The following AGBL2 variants were observed in gnomAD, a reference collection of about 807,000 sequenced individuals.
AGBL2 encodes cytosolic carboxypeptidase 2.
Under a neutral mutation model 103.0 loss-of-function variants are expected in AGBL2, and 87 were observed. The observed-to-expected ratio is 0.84, with a 90% CI of 0.71 to 1.01. The LOEUF is 1.01. Ranked by LOEUF, AGBL2 falls within the 50% of genes least tolerant of loss-of-function variation. The pLI is 0.00. For missense variants in AGBL2, 904 were observed against 1,023.5 expected (o/e 0.88, Z 1.59); for synonymous variants, 335 against 356.7 (o/e 0.94, Z 0.69).
At chr11:47,663,557 CTT>C (rs556139830) in intron 17 of AGBL2, among the ~76,000 whole-genome samples, 16 of 139,296 alleles carry the variant, frequency 1.1e-4, no homozygotes, top group Admixed American at 2.2e-4. Context: ...TTATAGTATT[CTT>C]TTTTTTTTTT....
At chr11:47,700,831 G>A (rs1344018092) in intron 7 of AGBL2, among the ~76,000 whole-genome samples, 2 of 151,928 alleles carry the variant, frequency 1.3e-5, no homozygotes, top group African/African-American at 2.4e-5. Flanking sequence ...GGAGGCCAAG[G>A]AGAGTGAATC....
intron 14 of AGBL2, among the ~76,000 whole-genome samples, chr11:47,671,492 C>T (rs2097357328): frequency 6.6e-6 from 1 of 152,144 alleles, no homozygotes; most frequent in Non-Finnish European, 1.5e-5. Context: ...CGCACCACTA[C>T]ACTCCAGCTT....
At chr11:47,710,909 C>CAA (rs60310587) in intron 3 of AGBL2, 77 of 332,668 alleles carry the variant, frequency 2.3e-4, no homozygotes, top group African/African-American at 1.5e-3. Context: ...GATCCTGTCT[C>CAA]AAAAAAAAAA....
At position 47,704,553 on chromosome 11, in the gene AGBL2, G is replaced by GATGT; in HGVS notation, c.572_575dup (p.His194ProfsTer4). ...AGTAAGTCATATTACCAATATGATG[G>GATGT]ATGTTTTCCTTGATGACCTCACATT... On this transcript the variant is annotated frameshift_variant, in exon 7 of 19. Transcript: ENST00000525123. LOFTEE classifies it high-confidence loss of function. 7.4e-6 allele frequency: 12 copies of GATGT among 1,612,908 alleles called. No individual in the cohort carries two copies. The highest frequency in any genetic ancestry group is 1.0e-5 in the Non-Finnish European group (12 of 1,179,424).
chr11:47,696,019 AAAAAAAAAAAAAAAAAAG>A (rs1280490884), intron 8 of AGBL2, among the ~76,000 whole-genome samples: 3 of 30,298 alleles, frequency 9.9e-5, no homozygotes, highest in African/African-American at 1.3e-4. Context: ...ACAAAAAAAA[AAAAAAAAAAAAAAAAAAG>A]AAAAAAAAAA....
At chr11:47,689,977 C>T in intron 10 of AGBL2, 99 bp downstream of exon 10, 2 of 1,065,210 alleles carry the variant, frequency 1.9e-6, no homozygotes, top group Non-Finnish European at 2.7e-6. Flanking sequence ...ATACTCAATT[C>T]CTTTAACAAC....
At chr11:47,688,693 A>G (rs1039708486) in intron 10 of AGBL2, among the ~76,000 whole-genome samples, 8 of 152,186 alleles carry the variant, frequency 5.3e-5, no homozygotes, top group African/African-American at 1.9e-4. Context: ...GACACATTAA[A>G]TCACTTAGCC....
intron 14 of AGBL2, among the ~76,000 whole-genome samples, chr11:47,676,887 G>C (rs72911723): frequency 9.2e-5 from 14 of 151,672 alleles, no homozygotes; most frequent in Non-Finnish European, 2.1e-4. Context: ...CCTTCCAAAG[G>C]CTTTCCATCT....
At chr11:47,675,199 CTTTTTTTTTTTTT>C (rs34012734) in intron 14 of AGBL2, among the ~76,000 whole-genome samples, 1,119 of 58,318 alleles carry the variant, frequency 0.019, 45 homozygotes, top group African/African-American at 0.086. Context: ...TCCCACCAGT[CTTTTTTTTTTTTT>C]TTTTTTTTTT....
chr11:47,709,544 G>T (rs1032603991), intron 4 of AGBL2, among the ~76,000 whole-genome samples: 1 of 151,860 alleles, frequency 6.6e-6, no homozygotes, highest in African/African-American at 2.4e-5. Flanking sequence ...TATGCAAAGA[G>T]CCTTAGTAAG....
intron 3 of AGBL2, among the ~76,000 whole-genome samples, chr11:47,712,853 A>G (rs2097539474): frequency 6.6e-6 from 1 of 152,124 alleles, no homozygotes; most frequent in South Asian, 2.1e-4. Flanking sequence ...CCTGGCCAAC[A>G]TGGTGAAACC....
rs12797140 is a variant in AGBL2, at chr11:47,705,861, T to C, written c.286+3A>G. The C allele has an allele frequency of 1.2e-6, 2 of 1,613,708 alleles. No individual in the cohort carries two copies. The highest frequency in any genetic ancestry group is 4.5e-5 in the East Asian group (2 of 44,860). The stretch of plus-strand genomic sequence containing the variant: ...TCTTCTGGTCTGGAAGGACATGAAA[T>C]ACCTCTGTTGATGGCTTCTATCTGT... On this transcript the variant is annotated splice_donor_region_variant and intron_variant, in intron 5 of 18. Transcript: ENST00000525123.
chr11:47,696,465 C>T (rs563495899), intron 8 of AGBL2, among the ~76,000 whole-genome samples: 9 of 152,010 alleles, frequency 5.9e-5, no homozygotes, highest in East Asian at 1.9e-4. Flanking sequence ...CAGGGTTTCA[C>T]GTAGGCCAGG....
intron 3 of AGBL2, among the ~76,000 whole-genome samples, chr11:47,713,749 C>T (rs1180353084): frequency 2.0e-5 from 3 of 151,102 alleles, no homozygotes; most frequent in Admixed American, 6.6e-5. Context: ...CCACCACGCC[C>T]GGCTAATTTT....
intron 16 of AGBL2, 51 bp downstream of exon 16, chr11:47,667,520 A>G (rs1275925818): frequency 1.9e-6 from 3 of 1,598,362 alleles, no homozygotes; most frequent in Admixed American, 1.8e-5. Flanking sequence ...TTATCCCTCT[A>G]TGGAATGGTC....
intron 8 of AGBL2, among the ~76,000 whole-genome samples, chr11:47,694,129 C>T (rs930907770): frequency 6.6e-5 from 10 of 151,660 alleles, no homozygotes; most frequent in African/African-American, 1.5e-4. Context: ...GCTGAGAGGT[C>T]GAGGCTGCAG....
chr11:47,679,805 TA>T (rs2097394427), intron 13 of AGBL2, among the ~76,000 whole-genome samples, 167 bp downstream of exon 13: 1 of 152,012 alleles, frequency 6.6e-6, no homozygotes, highest in Non-Finnish European at 1.5e-5. Flanking sequence ...CACGACCAGC[TA>T]ATTTTTTGTA....
At chr11:47,699,899 T>C (rs2097491411) in intron 7 of AGBL2, among the ~76,000 whole-genome samples, 1 of 152,176 alleles carries the variant, frequency 6.6e-6, no homozygotes, top group Non-Finnish European at 1.5e-5. Context: ...AACATAATTT[T>C]TTTTATTACC....
At chr11:47,689,014 G>T (rs1321136089) in intron 10 of AGBL2, among the ~76,000 whole-genome samples, 1 of 151,748 alleles carries the variant, frequency 6.6e-6, no homozygotes, top group Non-Finnish European at 1.5e-5. Context: ...GGGATTACAG[G>T]TGTCAGCCAC....
Sources: gnomAD v4.1 joint callset for allele counts (sites outside exome capture counted in the v4.1 genomes callset) on GRCh38, gnomAD v4.1.1 for gene constraint, MANE v1.5 for transcripts, NCBI Gene and HGNC (gene_info 2026-07-23, HGNC 2026-07-21) for gene names.